Variants in WDR70 observed in about 807,000 individuals in gnomAD.
WDR70 encodes WD repeat-containing protein 70.
A neutral mutation model predicts 88.6 loss-of-function variants in WDR70; 53 were observed. The observed-to-expected ratio is 0.60, with a 90% CI of 0.48 to 0.75. The LOEUF is 0.75. Ranked by LOEUF, WDR70 falls within the 30% of genes least tolerant of loss-of-function variation. WDR70 has a pLI of 0.00. For missense variants in WDR70, 610 were observed against 823.2 expected, an observed-to-expected ratio of 0.74 and a Z score of 3.17; for synonymous variants, 280 against 270.0, an observed-to-expected ratio of 1.04 and a Z score of -0.36.
intron 7 of WDR70, among the ~76,000 whole-genome samples, chr5:37,472,211 A>G (rs762870076): frequency 2.0e-5 from 3 of 151,988 alleles, no homozygotes; most frequent in African/African-American, 4.8e-5. Context: ...TGATATTTGC[A>G]TACACTTGCA....
At chr5:37,494,009 A>C (rs977212811) in intron 8 of WDR70, among the ~76,000 whole-genome samples, 1 of 151,754 alleles carries the variant, frequency 6.6e-6, no homozygotes, top group African/African-American at 2.4e-5. Context: ...ATTAGAGATG[A>C]GGTTTCATCA....
intron 7 of WDR70, among the ~76,000 whole-genome samples, chr5:37,466,948 T>A (rs1274184214): frequency 2.0e-5 from 3 of 151,558 alleles, no homozygotes; most frequent in Non-Finnish European, 4.4e-5. Context: ...AAACAGTAGA[T>A]ATTTTGACCA....
At chr5:37,530,558 C>T (rs1007672687) in intron 9 of WDR70, among the ~76,000 whole-genome samples, 6 of 151,780 alleles carry the variant, frequency 4.0e-5, no homozygotes, top group African/African-American at 1.5e-4. Context: ...AGGAATTTAT[C>T]CATCGCCTCT....
intron 9 of WDR70, among the ~76,000 whole-genome samples, chr5:37,599,909 AAAG>A (rs1343981756): frequency 2.0e-5 from 3 of 152,056 alleles, no homozygotes; most frequent in Non-Finnish European, 4.4e-5. Context: ...GAAAAAAAAA[AAAG>A]GTGTATTTGG....
At chr5:37,531,447 G>A (rs114518592) in intron 9 of WDR70, among the ~76,000 whole-genome samples, 1 of 151,424 alleles carries the variant, frequency 6.6e-6, no homozygotes, top group Non-Finnish European at 1.5e-5. Context: ...TTATAAATTC[G>A]GGAGCTCCAG....
Position 37,697,682 on chromosome 5 carries a change from G to C in WDR70, c.1120G>C (p.Ala374Pro). ...TVHPKFHYKQ[A>P]HDSGTDTSCV... ...TCATCCTAAGTTCCACTATAAACAGGCTCATGACTCGGGCACAGACACTTC... is the reference window on the plus strand; with the variant it reads ...TCATCCTAAGTTCCACTATAAACAGCCTCATGACTCGGGCACAGACACTTC... The change falls in exon 11 of 18, where the codon GCT (alanine) becomes CCT (proline). Residue 374 changes from alanine to proline, a missense_variant. Physicochemically the swap from Ala to Pro is conservative, Grantham distance 27. Transcript: ENST00000265107. 1 of 1,613,746 alleles carries C rather than the reference G, an allele frequency of 6.2e-7. No homozygotes were observed. The highest frequency in any genetic ancestry group is 1.1e-5 in the South Asian group (1 of 91,058).
At chr5:37,589,524 G>A (rs1430543948) in intron 9 of WDR70, among the ~76,000 whole-genome samples, 1 of 152,010 alleles carries the variant, frequency 6.6e-6, no homozygotes. Flanking sequence ...ATGAAATGTA[G>A]CATTCTTTCC....
chr5:37,609,860 A>C (rs911272932), intron 10 of WDR70, among the ~76,000 whole-genome samples: 1 of 152,250 alleles, frequency 6.6e-6, no homozygotes, highest in Non-Finnish European at 1.5e-5. Context: ...TTTGGCAAGT[A>C]AGACAACAAA....
At chr5:37,460,960 T>C (rs1449279480) in intron 7 of WDR70, among the ~76,000 whole-genome samples, 2 of 152,004 alleles carry the variant, frequency 1.3e-5, no homozygotes, top group Non-Finnish European at 2.9e-5. Context: ...TTGTTTCATA[T>C]TAAGGTTGCC....
chr5:37,719,259 A>G (rs951570391), intron 13 of WDR70, among the ~76,000 whole-genome samples: 1 of 152,060 alleles, frequency 6.6e-6, no homozygotes, highest in African/African-American at 2.4e-5. Context: ...CATCTTCCCA[A>G]CCAGGAGCAA....
rs5867348 is a variant in WDR70 at position 37,402,944 on chromosome 5, G to GTTTTTTTTT, written c.492+6386_492+6394dup. On this transcript the variant is annotated intron_variant, in intron 5 of 17. Transcript: ENST00000265107. Reference sequence around the variant, plus strand: ...TTTCCCTCCTTCCCTCCCTCCCTCCGTTTTTTTTTTTTTTTTTTTTGAGTC... The same window carrying GTTTTTTTTT: ...TTTCCCTCCTTCCCTCCCTCCCTCCGTTTTTTTTTTTTTTTTTTTTTTTTTTTTTGAGTC... Among the ~76,000 whole-genome samples, 339 of 84,372 alleles carry GTTTTTTTTT rather than the reference G, an allele frequency of 4.0e-3. 41 individuals carry two copies. The highest frequency in any genetic ancestry group is 0.015 in the African/African-American group (296 of 19,476). The allele number at this position is 84,372 out of a possible 152,430, so 55.4% of individuals were successfully genotyped here. A position where few individuals can be genotyped will look rare whatever the true frequency, so the allele number is the denominator to read the frequency against.
chr5:37,471,518 G>T (rs980655989), intron 7 of WDR70, among the ~76,000 whole-genome samples: 1 of 150,972 alleles, frequency 6.6e-6, no homozygotes, highest in Non-Finnish European at 1.5e-5. Context: ...AGGGACTTTC[G>T]TTGGTTAAAT....
intron 7 of WDR70, among the ~76,000 whole-genome samples, chr5:37,452,325 G>A (rs1202872020): frequency 1.3e-5 from 2 of 151,768 alleles, no homozygotes; most frequent in Non-Finnish European, 2.9e-5. Flanking sequence ...GAGTGCAATG[G>A]CATGATCTTG....
chr5:37,566,259 A>G (rs1228544016), intron 9 of WDR70, among the ~76,000 whole-genome samples: 1 of 151,920 alleles, frequency 6.6e-6, no homozygotes, highest in Non-Finnish European at 1.5e-5. Flanking sequence ...TATGCATTAA[A>G]TACTTGTTAG....
chr5:37,693,735 C>A (rs1746889045), intron 10 of WDR70, among the ~76,000 whole-genome samples: 1 of 152,138 alleles, frequency 6.6e-6, no homozygotes, highest in Admixed American at 6.5e-5. Context: ...AAATGTTAGA[C>A]CTAAAACCAT....
intron 10 of WDR70, among the ~76,000 whole-genome samples, chr5:37,616,050 C>A (rs1300478895): frequency 6.6e-6 from 1 of 152,198 alleles, no homozygotes; most frequent in East Asian, 1.9e-4. Context: ...TTTTCTCAGA[C>A]TGACACTTCC....
chr5:37,564,244 C>G (rs1742660849), intron 9 of WDR70, among the ~76,000 whole-genome samples: 1 of 152,142 alleles, frequency 6.6e-6, no homozygotes, highest in Non-Finnish European at 1.5e-5. Context: ...CCATTGAGCA[C>G]TGAGTGAACG....
chr5:37,398,918 G>C (rs576072542), intron 5 of WDR70, among the ~76,000 whole-genome samples: 8 of 152,264 alleles, frequency 5.3e-5, no homozygotes, highest in East Asian at 1.9e-4. Flanking sequence ...GAGGAGTGCT[G>C]ATCACTTGAG....
intron 10 of WDR70, among the ~76,000 whole-genome samples, chr5:37,695,814 T>C (rs1359051522): frequency 6.6e-6 from 1 of 152,130 alleles, no homozygotes; most frequent in Non-Finnish European, 1.5e-5. Flanking sequence ...TTTGACCATA[T>C]AAGGTATTCA....
Sources: gnomAD v4.1 joint callset for allele counts (sites outside exome capture counted in the v4.1 genomes callset) on GRCh38, gnomAD v4.1.1 for gene constraint, MANE v1.5 for transcripts, NCBI Gene and HGNC (gene_info 2026-07-23, HGNC 2026-07-21) for gene names.